The following FOCAD variants were observed in gnomAD, a reference collection of about 807,000 sequenced individuals.
FOCAD encodes the protein KIAA1797.
FOCAD carries 198 observed loss-of-function variants against 225.6 expected under a neutral mutation model. That is an observed-to-expected ratio of 0.88 (90% CI 0.78 to 0.99). FOCAD has a LOEUF of 0.99. Among genes scored for constraint, FOCAD ranks in the 50% least tolerant of loss-of-function variants. The pLI is 0.00. For missense variants in FOCAD, 2,713 were observed against 2,123.6 expected (o/e 1.28, Z -5.46); for synonymous variants, 897 against 755.0 (o/e 1.19, Z -3.08).
At chr9:20,832,779 A>G (rs1307514837) in intron 15 of FOCAD, among the ~76,000 whole-genome samples, 1 of 152,032 alleles carries the variant, frequency 6.6e-6, no homozygotes, top group African/African-American at 2.4e-5. Context: ...GTGGCAAATG[A>G]CAGGACCTCC....
Position 20,986,283 on chromosome 9 carries a change from T to TTTTTTTTTTTTTTTTTTTTTTTTTTTGA in FOCAD, c.4729-5_4729-4insTTTTTTTTTTTTTTTTTTTTTTTTTTGA. 1.4e-6 allele frequency: 2 copies of TTTTTTTTTTTTTTTTTTTTTTTTTTTGA among 1,476,878 alleles called. No homozygotes were observed. Among genetic ancestry groups the TTTTTTTTTTTTTTTTTTTTTTTTTTTGA allele is most frequent in the African/African-American group, 1.4e-5 (1 of 69,038 alleles). 91.5% of individuals were successfully genotyped at this position (1,476,878 alleles called of 1,614,324 possible). A position where few individuals can be genotyped will look rare whatever the true frequency, so the allele number is the denominator to read the frequency against. On this transcript the variant is annotated splice_polypyrimidine_tract_variant and splice_region_variant and intron_variant, in intron 39 of 43. Transcript: ENST00000338382. ...ACTAAACAATTTTTTTTTTTTTTTT[T>TTTTTTTTTTTTTTTTTTTTTTTTTTTGA]GCAGAGCAACATAGAAAAAGCTGCC...
intron 8 of FOCAD, among the ~76,000 whole-genome samples, chr9:20,770,847 C>G (rs560217990): frequency 6.6e-6 from 1 of 152,256 alleles, no homozygotes; most frequent in Non-Finnish European, 1.5e-5. Flanking sequence ...TTCGGATCAT[C>G]AATTAAAGAT....
At chr9:20,890,024 A>G (rs918388698) in intron 21 of FOCAD, among the ~76,000 whole-genome samples, 2 of 152,114 alleles carry the variant, frequency 1.3e-5, no homozygotes, top group African/African-American at 4.8e-5. Flanking sequence ...GTTTATAATC[A>G]TCCAATTGAT....
intron 11 of FOCAD, among the ~76,000 whole-genome samples, chr9:20,798,280 T>C (rs1328020706): frequency 6.6e-6 from 1 of 152,210 alleles, no homozygotes; most frequent in Non-Finnish European, 1.5e-5. Flanking sequence ...TGCATGGATG[T>C]TCATCAGGGA....
intron 11 of FOCAD, among the ~76,000 whole-genome samples, chr9:20,805,107 C>T (rs912801488): frequency 6.6e-6 from 1 of 152,082 alleles, no homozygotes; most frequent in Non-Finnish European, 1.5e-5. Flanking sequence ...TGGTTTATGT[C>T]GAAATCAAGA....
intron 7 of FOCAD, among the ~76,000 whole-genome samples, chr9:20,769,289 C>T (rs970708355): frequency 6.6e-6 from 1 of 152,146 alleles, no homozygotes; most frequent in African/African-American, 2.4e-5. Context: ...TGCCGGTCAA[C>T]CGTAGGCTTT....
chr9:20,831,846 T>C (rs1825525187), intron 15 of FOCAD, among the ~76,000 whole-genome samples: 1 of 152,094 alleles, frequency 6.6e-6, no homozygotes, highest in Admixed American at 6.6e-5. Flanking sequence ...CCCTTAAGCA[T>C]TGAACCCCAA....
At chr9:20,857,081 G>A (rs1643982923) in intron 15 of FOCAD, among the ~76,000 whole-genome samples, 1 of 151,778 alleles carries the variant, frequency 6.6e-6, no homozygotes, top group African/African-American at 2.4e-5. Flanking sequence ...GGGTCTTTAT[G>A]TTTCTGTATA....
At chr9:20,986,267 T>TTTTTTTTTTTTTTTTTTTTTTTG in intron 39 of FOCAD, 21 bp from the exon 40 acceptor site, 1 of 655,916 alleles carries the variant, frequency 1.5e-6, no homozygotes, top group Non-Finnish European at 2.0e-6. Context: ...AACTAAACAA[T>TTTTTTTTTTTTTTTTTTTTTTTG]TTTTTTTTTT....
chr9:20,686,430 A>G (rs931133395), intron 1 of FOCAD, among the ~76,000 whole-genome samples: 1 of 152,188 alleles, frequency 6.6e-6, no homozygotes, highest in Admixed American at 6.5e-5. Flanking sequence ...TTTCAGTTCT[A>G]GAAATGGACC....
Position 20,854,535 on chromosome 9 carries a change from T to A in FOCAD, c.1921-8043T>A, listed in dbSNP as rs139069784. ...GATTTCTGACTTTAAAACGTGCTCT[T>A]CCCAGCCTACCACACTGCATAAGGT... On this transcript the variant is annotated intron_variant, in intron 15 of 43. Transcript: ENST00000338382. 3.6e-3 allele frequency among the ~76,000 whole-genome samples: 541 copies of A among 151,860 alleles called. 2 individuals are homozygous for A. The highest frequency in any genetic ancestry group is 0.012 in the African/African-American group (498 of 41,522).
At chr9:20,696,663 G>C (rs1029054093) in intron 1 of FOCAD, among the ~76,000 whole-genome samples, 1 of 152,110 alleles carries the variant, frequency 6.6e-6, no homozygotes, top group African/African-American at 2.4e-5. Flanking sequence ...AAATTAGCTG[G>C]GCATGGTGGC....
chr9:20,946,913 A>T (rs1837239082), intron 30 of FOCAD, 93 bp downstream of exon 30: 2 of 1,481,104 alleles, frequency 1.4e-6, no homozygotes, highest in South Asian at 2.6e-5. Context: ...GTATAATGGG[A>T]TATTTTTCAT....
At chr9:20,857,220 A>C (rs1352693082) in intron 15 of FOCAD, among the ~76,000 whole-genome samples, 1 of 152,010 alleles carries the variant, frequency 6.6e-6, no homozygotes, top group African/African-American at 2.4e-5. Context: ...CAATTTATGA[A>C]CATGGAATAT....
intron 26 of FOCAD, among the ~76,000 whole-genome samples, chr9:20,926,677 G>A (rs1422521579): frequency 1.3e-5 from 2 of 151,938 alleles, no homozygotes; most frequent in African/African-American, 4.8e-5. Flanking sequence ...CAGCTACTCA[G>A]GAGGCTGAGG....
chr9:20,775,750 A>C (rs969039176), intron 8 of FOCAD, among the ~76,000 whole-genome samples: 12 of 152,098 alleles, frequency 7.9e-5, no homozygotes, highest in Non-Finnish European at 1.6e-4. Flanking sequence ...TGCTATTTTC[A>C]TTTGACTTGA....
chr9:20,734,709 A>T (rs965480470), intron 4 of FOCAD, among the ~76,000 whole-genome samples: 1 of 151,512 alleles, frequency 6.6e-6, no homozygotes, highest in Non-Finnish European at 1.5e-5. Flanking sequence ...CAGTGGCGTG[A>T]TCATGGCTCA....
chr9:20,819,952 C>G (rs889231712), intron 12 of FOCAD, 52 bp downstream of exon 12: 3 of 1,077,018 alleles, frequency 2.8e-6, no homozygotes, highest in Non-Finnish European at 2.7e-6. Flanking sequence ...ATGAATAATA[C>G]TTTGAATTCT....
At chr9:20,870,867 T>C (rs1266793913) in intron 18 of FOCAD, among the ~76,000 whole-genome samples, 1 of 152,230 alleles carries the variant, frequency 6.6e-6, no homozygotes, top group Non-Finnish European at 1.5e-5. Context: ...ACCCCCATCA[T>C]GAATCAAGGA....
Sources: allele counts gnomAD v4.1 joint callset (sites outside exome capture counted in the v4.1 genomes callset), GRCh38; gene constraint gnomAD v4.1.1; transcripts MANE v1.5; gene names NCBI Gene and HGNC (gene_info 2026-07-23, HGNC 2026-07-21).